Variants in ZNF578 observed in about 807,000 individuals in gnomAD.
The protein encoded by ZNF578 is Putative chemokine-related protein B42.
In ZNF578, 8 loss-of-function variants were observed where a neutral mutation model predicts 8.3. The observed-to-expected ratio is 0.96, with a 90% confidence interval of 0.56 to 1.74. ZNF578 has a LOEUF of 1.74. ZNF578 is among the 40% of genes most tolerant of loss of function. ZNF578 has a pLI of 0.00. For missense variants in ZNF578, 726 were observed against 707.5 expected (o/e 1.03, Z -0.30); for synonymous variants, 206 against 232.2 (o/e 0.89, Z 1.03).
At chr19:52,469,594 G>A (rs1028587664) in intron 2 of ZNF578, among the ~76,000 whole-genome samples, 25 of 152,146 alleles carry the variant, frequency 1.6e-4, no homozygotes, top group African/African-American at 6.0e-4. Flanking sequence ...ATAGTCCTTG[G>A]TATGCATTGT....
chr19:52,501,118 C>T (rs2059405544), intron 3 of ZNF578, among the ~76,000 whole-genome samples: 1 of 152,140 alleles, frequency 6.6e-6, no homozygotes, highest in Non-Finnish European at 1.5e-5. Context: ...ACCCTGTGAT[C>T]CAGCCGCCTC....
chr19:52,480,900 GATAATAATAATAATAATAATAATA>G (rs57989857), intron 2 of ZNF578, among the ~76,000 whole-genome samples: 10 of 139,340 alleles, frequency 7.2e-5, no homozygotes, highest in African/African-American at 1.8e-4. Flanking sequence ...CATCTCAAAA[GATAATAATAATAATAATAATAATA>G]ATAATAATAA....
chr19:52,496,009 A>C (rs1275165104), intron 3 of ZNF578, among the ~76,000 whole-genome samples: 1 of 151,292 alleles, frequency 6.6e-6, no homozygotes, highest in Non-Finnish European at 1.5e-5. Context: ...TCATTTAATT[A>C]GTTTAGTTGT....
intron 2 of ZNF578, among the ~76,000 whole-genome samples, chr19:52,466,377 C>G (rs1864019): frequency 0.89 from 134,977 of 152,184 alleles, 60,629 homozygotes; most frequent in Non-Finnish European, 0.96. Context: ...TCAGAGCATG[C>G]GAACATTATG....
At chr19:52,461,210 A>G (rs1016608389) in intron 2 of ZNF578, among the ~76,000 whole-genome samples, 13 of 152,204 alleles carry the variant, frequency 8.5e-5, no homozygotes, top group Admixed American at 3.9e-4. Context: ...GATGATGTCT[A>G]ACTTTTTCCC....
intron 5 of ZNF578, among the ~76,000 whole-genome samples, 198 bp downstream of exon 5, chr19:52,504,979 C>T (rs2059420500): frequency 6.6e-6 from 1 of 152,200 alleles, no homozygotes; most frequent in Non-Finnish European, 1.5e-5. Context: ...CCTCCACCTT[C>T]CGGGTTCAAG....
chr19:52,473,682 T>C, intron 2 of ZNF578: 1 of 212,974 alleles, frequency 4.7e-6, no homozygotes, highest in Non-Finnish European at 9.3e-6. Flanking sequence ...CTCTGATGAA[T>C]TGTTAAGGAG....
rs552519868 is a variant in ZNF578 at position 52,504,796 on chromosome 19, C to G, written c.190+15C>G. 8.1e-6 allele frequency: 13 copies of G among 1,613,940 alleles called. No homozygotes were observed. Among genetic ancestry groups the G allele is most frequent in the South Asian group, 1.1e-5 (1 of 91,064 alleles). ...GGAGGCTGTGGGTGAGGAAAATGTC[C>G]CTGCAGACATGAGGAGTCTGCTCTT... On this transcript the variant is annotated intron_variant, in intron 5 of 5. Transcript: ENST00000421239.
In ZNF578 at chr19:52,511,226, CTAGTGAGAAACCTTACAAG is replaced by C; in HGVS notation, c.847_865del (p.Ser283ValfsTer14). 8.1e-6 allele frequency: 13 copies of C among 1,613,778 alleles called. No homozygotes were observed. The highest frequency in any genetic ancestry group is 1.1e-5 in the Non-Finnish European group (13 of 1,179,894). ...CTTGCACGCCATCGTAGATGTCACA[CTAGTGAGAAACCTTACAAG>C]TGTAATGAATGTGGAAAGTCCTTCA... On this transcript the variant is annotated frameshift_variant, in exon 6 of 6. Transcript: ENST00000421239. LOFTEE classifies it low-confidence loss of function (END_TRUNC).
In ZNF578 at chr19:52,492,241, C is replaced by CTGGTGTT. The variant is rs1407834027; in HGVS notation, c.-20+816_-20+817insTGGTGTT. The stretch of plus-strand genomic sequence containing the variant: ...CCTGTGAGAGGGGGTGTTACTTTGT[C>CTGGTGTT]ACCAGGCTGGTCTGGACCCCCAGGT... On this transcript the variant is annotated intron_variant, in intron 3 of 5. Coordinates refer to ENST00000421239, the MANE Select transcript of ZNF578 (RefSeq NM_001099694.2). Among the ~76,000 whole-genome samples the CTGGTGTT allele has an allele frequency of 4.7e-5, 7 of 148,674 alleles. No homozygotes were observed. In the South Asian group the frequency reaches 1.5e-3, roughly 32 times the overall value.
chr19:52,479,699 C>T (rs935577436), intron 2 of ZNF578, among the ~76,000 whole-genome samples: 1 of 152,054 alleles, frequency 6.6e-6, no homozygotes, highest in African/African-American at 2.4e-5. Context: ...AGCATATGAT[C>T]TAAATAAAGA....
intron 2 of ZNF578, among the ~76,000 whole-genome samples, chr19:52,489,891 C>T (rs2059359433): frequency 6.6e-6 from 1 of 152,054 alleles, no homozygotes; most frequent in Admixed American, 6.5e-5. Flanking sequence ...CTCCTGACCT[C>T]GTGATCTGCC....
chr19:52,470,602 G>A (rs2059288964), intron 2 of ZNF578, among the ~76,000 whole-genome samples: 1 of 152,104 alleles, frequency 6.6e-6, no homozygotes, highest in South Asian at 2.1e-4. Context: ...CCCTCAGTGT[G>A]GGTGGGCACC....
At chr19:52,504,451 C>T (rs112083889) in intron 4 of ZNF578, among the ~76,000 whole-genome samples, 5,478 of 151,970 alleles carry the variant, frequency 0.036, 327 homozygotes, top group African/African-American at 0.12. Flanking sequence ...ACTTCCATAG[C>T]GACTTATGGG....
intron 2 of ZNF578, chr19:52,457,611 G>A (rs1013781444): frequency 5.7e-4 from 2 of 3,498 alleles, no homozygotes; most frequent in Admixed American, 6.4e-3. Context: ...GGGATCTGAC[G>A]TCTCCAGTCT....
intron 3 of ZNF578, among the ~76,000 whole-genome samples, chr19:52,494,213 G>A (rs1401767617): frequency 9.9e-5 from 15 of 152,142 alleles, no homozygotes; most frequent in Middle Eastern, 6.8e-3. Context: ...GTGGCTGGGC[G>A]CAGTGGCTCA....
rs10422173 is a variant in ZNF578, at chr19:52,477,195, G to T, written c.-121-14129G>T. 5.3e-3 allele frequency among the ~76,000 whole-genome samples: 807 copies of T among 152,268 alleles called. 6 individuals are homozygous for T. Among genetic ancestry groups the T allele is most frequent in the African/African-American group, 0.019 (785 of 41,546 alleles). ...TAAAGGTCTCTAAATGCCAGGGGGAGCTTTGGTAGGTTTGTCTCCTCCAAC... is the reference window on the plus strand; with the variant it reads ...TAAAGGTCTCTAAATGCCAGGGGGATCTTTGGTAGGTTTGTCTCCTCCAAC... On this transcript the variant is annotated intron_variant, in intron 2 of 5. Coordinates refer to ENST00000421239, the MANE Select transcript of ZNF578 (RefSeq NM_001099694.2).
rs375218924 is a variant in ZNF578, at chr19:52,511,766, G to T, written c.1385G>T (p.Arg462Ile). 41 of 1,610,792 alleles carry T rather than the reference G, an allele frequency of 2.5e-5. No homozygotes were observed. Among genetic ancestry groups the T allele is most frequent in the Non-Finnish European group, 3.5e-5 (41 of 1,179,078 alleles). ...EKSYKCEECD[R>I]VFSQKSNLER... is the part of the protein sequence containing the mutation. ...TCTTACAAATGTGAAGAATGTGACA[G>T]AGTTTTCAGTCAGAAATCAAACCTT... Residue 462 changes from arginine (R) to isoleucine (I), a missense_variant, in exon 6 of 6, where the codon AGA becomes ATA. Coordinates refer to ENST00000421239, the MANE Select transcript of ZNF578 (RefSeq NM_001099694.2).
intron 2 of ZNF578, among the ~76,000 whole-genome samples, chr19:52,462,063 A>G (rs1367970372): frequency 6.6e-6 from 1 of 152,194 alleles, no homozygotes; most frequent in African/African-American, 2.4e-5. Flanking sequence ...TGATGATTCC[A>G]TAGGAATTAT....
Sources: gnomAD v4.1 joint callset for allele counts (sites outside exome capture counted in the v4.1 genomes callset) on GRCh38, gnomAD v4.1.1 for gene constraint, MANE v1.5 for transcripts, NCBI Gene and HGNC (gene_info 2026-07-23, HGNC 2026-07-21) for gene names.